Variants in UNC5D observed in about 807,000 individuals in gnomAD.
UNC5D encodes unc-5 netrin receptor D.
UNC5D carries 39 observed loss-of-function variants against 105.4 expected under a neutral mutation model. The ratio of observed to expected loss-of-function variants is 0.37; its 90% confidence interval spans 0.29 to 0.48. The LOEUF is 0.48. UNC5D is among the 20% of genes least tolerant of loss of function. UNC5D has a pLI of 0.98. For missense variants in UNC5D, 991 were observed against 1,202.4 expected, an observed-to-expected ratio of 0.82 and a Z score of 2.60; for synonymous variants, 452 against 450.4, an observed-to-expected ratio of 1.00 and a Z score of -0.04.
At position 35,683,741 on chromosome 8, in the gene UNC5D, A is replaced by G; in HGVS notation, c.751+14A>G. The G allele has an allele frequency of 6.8e-7, 1 of 1,478,190 alleles. No homozygotes were observed. Among genetic ancestry groups the G allele is most frequent in the Non-Finnish European group, 8.9e-7 (1 of 1,118,998 alleles). The allele number at this position is 1,478,190 out of a possible 1,614,324, so 91.6% of individuals were successfully genotyped here. On this transcript the variant is annotated intron_variant, in intron 5 of 16. Coordinates refer to ENST00000404895, the MANE Select transcript of UNC5D (RefSeq NM_080872.4). ...TTGTGGTCTACGGTAAGACCATTCC[A>G]AAGGCCAGGAATGGATAGGGAGGGC... is the stretch of plus-strand genomic sequence containing the variant.
chr8:35,642,578 A>G (rs1001114793), intron 4 of UNC5D, among the ~76,000 whole-genome samples: 17 of 152,068 alleles, frequency 1.1e-4, no homozygotes, highest in African/African-American at 3.4e-4. Flanking sequence ...TGCACTGGCC[A>G]TGGGTGCTTT....
At chr8:35,348,592 A>G (rs1811973443) in intron 1 of UNC5D, among the ~76,000 whole-genome samples, 1 of 151,858 alleles carries the variant, frequency 6.6e-6, no homozygotes, top group Admixed American at 6.6e-5. Context: ...ATGAAATATC[A>G]TTTCTTTGAT....
At chr8:35,417,313 G>A (rs1483704144) in intron 1 of UNC5D, among the ~76,000 whole-genome samples, 1 of 147,808 alleles carries the variant, frequency 6.8e-6, no homozygotes, top group Non-Finnish European at 1.5e-5. Flanking sequence ...TCCTTGAAAT[G>A]ATCCCTGTGG....
intron 7 of UNC5D, among the ~76,000 whole-genome samples, chr8:35,698,236 C>CTTTTTTTT (rs397893134): frequency 1.4e-5 from 2 of 139,840 alleles, no homozygotes; most frequent in Non-Finnish European, 1.6e-5. Context: ...CACATAGCTC[C>CTTTTTTTT]TTTTTTTTTT....
intron 1 of UNC5D, among the ~76,000 whole-genome samples, chr8:35,415,191 G>A (rs1442981703): frequency 1.3e-5 from 2 of 152,036 alleles, no homozygotes; most frequent in African/African-American, 4.8e-5. Flanking sequence ...TTTATAGTTT[G>A]TTTCTAAGTC....
At chr8:35,238,968 C>T (rs190578788) in intron 1 of UNC5D, among the ~76,000 whole-genome samples, 8 of 152,208 alleles carry the variant, frequency 5.3e-5, no homozygotes, top group African/African-American at 1.7e-4. Context: ...CTTTTCCTCA[C>T]AAATCTTTCT....
chr8:35,249,543 G>T (rs920929252), intron 1 of UNC5D, among the ~76,000 whole-genome samples: 1 of 148,530 alleles, frequency 6.7e-6, no homozygotes, highest in Non-Finnish European at 1.5e-5. Flanking sequence ...GGGCAATGGA[G>T]GGAAACTCTG....
intron 4 of UNC5D, among the ~76,000 whole-genome samples, chr8:35,595,930 A>G (rs1819465431): frequency 6.6e-6 from 1 of 152,194 alleles, no homozygotes; most frequent in Admixed American, 6.5e-5. Context: ...ACCTTGAATC[A>G]TGCAGGTGTC....
At chr8:35,642,353 C>A (rs1822797198) in intron 4 of UNC5D, among the ~76,000 whole-genome samples, 1 of 151,982 alleles carries the variant, frequency 6.6e-6, no homozygotes, top group Non-Finnish European at 1.5e-5. Flanking sequence ...TTTTCTTTGC[C>A]CATATTTTAC....
rs67076001 is a variant in UNC5D, at chr8:35,323,188, CTTTTTTTTT to C, written c.103+87312_103+87320del. On this transcript the variant is annotated intron_variant, in intron 1 of 16. Coordinates refer to ENST00000404895, the MANE Select transcript of UNC5D (RefSeq NM_080872.4). ...CTGTTTTTTTCTAATTTTTCTTTTTCTTTTTTTTTTTTTTTTTTTCACATGAATGGAACT... is the reference window on the plus strand; with the variant it reads ...CTGTTTTTTTCTAATTTTTCTTTTTCTTTTTTTTTTCACATGAATGGAACT... Among the ~76,000 whole-genome samples the C allele has an allele frequency of 3.2e-5, 4 of 125,940 alleles. No individual in the cohort carries two copies. The East Asian group carries it at 9.4e-4, about 30-fold the overall frequency. The allele number at this position is 125,940 out of a possible 152,430, so 82.6% of individuals were successfully genotyped here.
At chr8:35,407,036 G>T (rs1415353706) in intron 1 of UNC5D, among the ~76,000 whole-genome samples, 1 of 151,988 alleles carries the variant, frequency 6.6e-6, no homozygotes, top group Non-Finnish European at 1.5e-5. Context: ...TATGACCATG[G>T]TCCTGCAAGA....
chr8:35,277,126 C>A (rs1004182120), intron 1 of UNC5D, among the ~76,000 whole-genome samples: 1 of 152,158 alleles, frequency 6.6e-6, no homozygotes, highest in Non-Finnish European at 1.5e-5. Context: ...AATTTCCAGG[C>A]CTTCCCCCGT....
At chr8:35,313,709 G>A (rs1220297490) in intron 1 of UNC5D, among the ~76,000 whole-genome samples, 1 of 152,154 alleles carries the variant, frequency 6.6e-6, no homozygotes, top group African/African-American at 2.4e-5. Context: ...CTGCCACATG[G>A]GAGCTATGTG....
intron 1 of UNC5D, among the ~76,000 whole-genome samples, chr8:35,391,465 T>C (rs1457711871): frequency 6.6e-6 from 1 of 152,200 alleles, no homozygotes; most frequent in African/African-American, 2.4e-5. Flanking sequence ...TATAACTCTG[T>C]TTTTATATTT....
intron 3 of UNC5D, among the ~76,000 whole-genome samples, chr8:35,578,292 AG>A: frequency 6.6e-6 from 1 of 151,474 alleles, no homozygotes; most frequent in South Asian, 2.1e-4. Context: ...GAAAGAGAAA[AG>A]AAAAATTTTT....
chr8:35,307,375 C>G (rs1808502429), intron 1 of UNC5D, among the ~76,000 whole-genome samples: 1 of 152,128 alleles, frequency 6.6e-6, no homozygotes, highest in Non-Finnish European at 1.5e-5. Context: ...CTGATGTTTT[C>G]TGATCTAGAT....
intron 1 of UNC5D, among the ~76,000 whole-genome samples, chr8:35,389,708 G>C (rs1484491360): frequency 6.8e-6 from 1 of 147,626 alleles, no homozygotes; most frequent in Non-Finnish European, 1.5e-5. Context: ...CTCCTTAATG[G>C]AATTCTGGAA....
At chr8:35,736,065 T>C (rs931986419) in intron 11 of UNC5D, among the ~76,000 whole-genome samples, 3 of 152,166 alleles carry the variant, frequency 2.0e-5, no homozygotes, top group Admixed American at 6.5e-5. Flanking sequence ...CTCAGTAAAA[T>C]ATGAAACTGT....
chr8:35,680,079 T>C (rs1825557299), intron 4 of UNC5D, among the ~76,000 whole-genome samples: 1 of 152,208 alleles, frequency 6.6e-6, no homozygotes, highest in African/African-American at 2.4e-5. Context: ...CATTCATTCA[T>C]GAGGGGAGAG....
Sources: allele counts gnomAD v4.1 joint callset (sites outside exome capture counted in the v4.1 genomes callset), GRCh38; gene constraint gnomAD v4.1.1; transcripts MANE v1.5; gene names NCBI Gene and HGNC (gene_info 2026-07-23, HGNC 2026-07-21).